The following FRAS1 variants were observed in gnomAD, a reference collection of about 807,000 sequenced individuals.
FRAS1 encodes Fraser extracellular matrix complex subunit 1, also known as extracellular matrix organizing protein FRAS1.
A neutral mutation model predicts 435.2 loss-of-function variants in FRAS1; 290 were observed. The ratio of observed to expected loss-of-function variants is 0.67; its 90% CI spans 0.61 to 0.73. FRAS1 has a LOEUF of 0.73. Among genes scored for constraint, FRAS1 ranks in the 30% least tolerant of loss-of-function variants. FRAS1 has a pLI of 0.00. For synonymous variants in FRAS1, 1,800 were observed against 1,851.0 expected (o/e 0.97, Z 0.71); for missense variants, 4,860 against 5,001.5 (o/e 0.97, Z 0.85).
chr4:78,395,766 C>T (rs543219628), intron 29 of FRAS1, among the ~76,000 whole-genome samples: 1 of 152,170 alleles, frequency 6.6e-6, no homozygotes, highest in South Asian at 2.1e-4. Flanking sequence ...AAGTGAATCT[C>T]TTTACAGGCA....
At chr4:78,500,374 A>G (rs1291143109) in intron 61 of FRAS1, among the ~76,000 whole-genome samples, 1 of 152,196 alleles carries the variant, frequency 6.6e-6, no homozygotes, top group Admixed American at 6.5e-5. Context: ...CCAAAACACA[A>G]TTTATATGGA....
At chr4:78,203,140 T>C (rs1463488392) in intron 2 of FRAS1, among the ~76,000 whole-genome samples, 1 of 152,238 alleles carries the variant, frequency 6.6e-6, no homozygotes, top group Non-Finnish European at 1.5e-5. Context: ...TCAGACTGGT[T>C]CGATTTGTTT....
chr4:78,461,850 A>G (rs1288770937), intron 47 of FRAS1, among the ~76,000 whole-genome samples: 1 of 152,264 alleles, frequency 6.6e-6, no homozygotes, highest in Non-Finnish European at 1.5e-5. Flanking sequence ...GAAACTAGAC[A>G]TGAAATAGTA....
At chr4:78,433,109 C>T (rs1463824239) in intron 38 of FRAS1, among the ~76,000 whole-genome samples, 1 of 152,190 alleles carries the variant, frequency 6.6e-6, no homozygotes, top group East Asian at 1.9e-4. Flanking sequence ...AGTTCACTGA[C>T]TCACCCTCCT....
intron 2 of FRAS1, among the ~76,000 whole-genome samples, chr4:78,100,896 T>G (rs1226444780): frequency 6.6e-6 from 1 of 152,194 alleles, no homozygotes; most frequent in African/African-American, 2.4e-5. Flanking sequence ...TGGGAACTTT[T>G]GTTGAGAAAT....
intron 2 of FRAS1, among the ~76,000 whole-genome samples, chr4:78,223,192 T>C (rs1724128455): frequency 6.6e-6 from 1 of 152,144 alleles, no homozygotes; most frequent in Non-Finnish European, 1.5e-5. Context: ...GTTAATTTCC[T>C]CTTGGTTTGG....
At chr4:78,498,804 G>A (rs1370325943) in intron 60 of FRAS1, among the ~76,000 whole-genome samples, 1 of 151,310 alleles carries the variant, frequency 6.6e-6, no homozygotes, top group Non-Finnish European at 1.5e-5. Context: ...TAGAAAAGAA[G>A]GCATGATTTG....
Position 78,451,868 on chromosome 4 carries a change from A to T in FRAS1, c.6560A>T (p.Lys2187Met). 3.7e-6 allele frequency: 6 copies of T among 1,612,864 alleles called. No homozygotes were observed. Among genetic ancestry groups the T allele is most frequent in the Non-Finnish European group, 5.1e-6 (6 of 1,179,470 alleles). ...GGAGAAGGCAACAGATTGATTGACAAGTCATTTTCCATCAGCATTCTAGGT... is the reference window on the plus strand; with the variant it reads ...GGAGAAGGCAACAGATTGATTGACATGTCATTTTCCATCAGCATTCTAGGT... Reference protein sequence around the residue: ...VDGEGNRLIDKSFSISILEDK... With the variant: ...VDGEGNRLIDMSFSISILEDK... The change falls in exon 46 of 74, where the codon AAG becomes ATG. Residue 2187 changes from lysine (K) to methionine (M), a missense_variant. By Grantham distance (95) the Lys-to-Met change is moderately conservative. Coordinates refer to ENST00000512123, the MANE Select transcript of FRAS1 (RefSeq NM_025074.7).
chr4:78,544,050 A>T lies in FRAS1; in HGVS notation c.*2926A>T, dbSNP rs536814991. On this transcript the variant is annotated 3_prime_UTR_variant, in exon 74 of 74. Transcript: ENST00000512123. ...TGTTGGAATGTGTTTGCACAGTCTT[A>T]TGATATTCAGTCTCAGTCTGCTATA... 14 of 151,962 alleles carry T rather than the reference A, an allele frequency of 9.2e-5. No individual in the cohort carries two copies. Among genetic ancestry groups the T allele is most frequent in the African/African-American group, 3.4e-4 (14 of 40,780 alleles). 9.4% of individuals were successfully genotyped at this position (151,962 alleles called of 1,614,324 possible).
At chr4:78,064,252 ATCAT>A (rs1183112492) in intron 1 of FRAS1, among the ~76,000 whole-genome samples, 1 of 151,016 alleles carries the variant, frequency 6.6e-6, no homozygotes, top group Non-Finnish European at 1.5e-5. Context: ...TGTCTATAAA[ATCAT>A]TCATTTATAG....
chr4:78,095,758 C>T (rs752691766), intron 2 of FRAS1, among the ~76,000 whole-genome samples: 2 of 152,206 alleles, frequency 1.3e-5, no homozygotes, highest in Non-Finnish European at 2.9e-5. Flanking sequence ...ACAGGAAAGA[C>T]CTGCCCCCAT....
At chr4:78,080,194 C>G (rs1056344179) in intron 2 of FRAS1, among the ~76,000 whole-genome samples, 1 of 152,084 alleles carries the variant, frequency 6.6e-6, no homozygotes, top group African/African-American at 2.4e-5. Flanking sequence ...CTGTGAAAAG[C>G]CAAAATGGAT....
At chr4:78,225,743 G>A (rs7673765) in intron 2 of FRAS1, among the ~76,000 whole-genome samples, 4,670 of 152,158 alleles carry the variant, frequency 0.031, 222 homozygotes, top group African/African-American at 0.1. Context: ...TATTTTGAAT[G>A]AGGCATAAAT....
intron 2 of FRAS1, among the ~76,000 whole-genome samples, chr4:78,161,640 G>T (rs532920044): frequency 6.7e-6 from 1 of 149,396 alleles, no homozygotes; most frequent in Non-Finnish European, 1.5e-5. Context: ...TATTGGGAGT[G>T]TGTTGGGCAT....
At chr4:78,507,170 C>T (rs1369659909) in intron 61 of FRAS1, among the ~76,000 whole-genome samples, 1 of 151,706 alleles carries the variant, frequency 6.6e-6, no homozygotes, top group Non-Finnish European at 1.5e-5. Flanking sequence ...AGGCAGGGGC[C>T]ATTAATCCTC....
At chr4:78,347,045 C>T (rs778936868) in intron 20 of FRAS1, among the ~76,000 whole-genome samples, 14 of 152,308 alleles carry the variant, frequency 9.2e-5, no homozygotes, top group Non-Finnish European at 2.1e-4. Flanking sequence ...CCTCATTTCT[C>T]TCTTCCTGCT....
intron 70 of FRAS1, among the ~76,000 whole-genome samples, chr4:78,527,104 C>A (rs1372421716): frequency 2.6e-5 from 4 of 152,094 alleles, no homozygotes; most frequent in African/African-American, 9.7e-5. Flanking sequence ...CAGAAACAGA[C>A]ATAAAACAAG....
At chr4:78,409,475 G>T (rs1015944647) in intron 31 of FRAS1, among the ~76,000 whole-genome samples, 1 of 152,054 alleles carries the variant, frequency 6.6e-6, no homozygotes, top group Non-Finnish European at 1.5e-5. Context: ...CCAGAGAACC[G>T]CAAGGGAAAC....
At chr4:78,479,813 G>A in intron 56 of FRAS1, 95 bp downstream of exon 56, 1 of 959,146 alleles carries the variant, frequency 1.0e-6, no homozygotes, top group Non-Finnish European at 1.5e-6. Flanking sequence ...GGGAGACATT[G>A]AGAATGCCAT....
Sources: allele counts gnomAD v4.1 joint callset (sites outside exome capture counted in the v4.1 genomes callset), GRCh38; gene constraint gnomAD v4.1.1; transcripts MANE v1.5; gene names NCBI Gene and HGNC (gene_info 2026-07-23, HGNC 2026-07-21).